KCNQ5: variants seen among roughly 807,000 people sequenced by gnomAD.
KCNQ5 encodes the protein potassium voltage-gated channel subfamily Q member 5.
KCNQ5 carries 30 observed loss-of-function variants against 98.2 expected under a neutral mutation model. The observed-to-expected ratio is 0.31, with a 90% CI of 0.23 to 0.41. KCNQ5 has a LOEUF of 0.41. Ranked by LOEUF, KCNQ5 falls within the 10% of genes least tolerant of loss-of-function variation. The pLI is 1.00. For missense variants in KCNQ5, 835 were observed against 1,182.5 expected (o/e 0.71, Z 4.31); for synonymous variants, 458 against 449.4 (o/e 1.02, Z -0.24).
intron 11 of KCNQ5, among the ~76,000 whole-genome samples, chr6:73,182,663 T>C (rs1778443325): frequency 6.6e-6 from 1 of 152,220 alleles, no homozygotes; most frequent in Non-Finnish European, 1.5e-5. Context: ...AGCACCCACA[T>C]ATTTTTTCCT....
At chr6:72,834,958 G>T (rs1230623915) in intron 1 of KCNQ5, among the ~76,000 whole-genome samples, 1 of 151,980 alleles carries the variant, frequency 6.6e-6, no homozygotes, top group East Asian at 1.9e-4. Context: ...CTCTAAATTT[G>T]ATCATAAATT....
chr6:72,721,476 G>A (rs1371167527), intron 1 of KCNQ5, among the ~76,000 whole-genome samples: 1 of 151,452 alleles, frequency 6.6e-6, no homozygotes, highest in African/African-American at 2.4e-5. Context: ...GATTTATGAA[G>A]ACATTTACAT....
chr6:73,170,575 AAAAAAG>A (rs1387162860), intron 11 of KCNQ5, among the ~76,000 whole-genome samples: 3 of 150,594 alleles, frequency 2.0e-5, no homozygotes, highest in Non-Finnish European at 2.9e-5. Flanking sequence ...GCAAAAAAAA[AAAAAAG>A]AAAAGAAAAG....
rs138494564 is a variant in KCNQ5 at position 72,961,209 on chromosome 6, A to G, written c.399-42699A>G. Among the ~76,000 whole-genome samples, 336 of 152,354 alleles carry G rather than the reference A, an allele frequency of 2.2e-3. 1 individual carries two copies. The highest frequency in any genetic ancestry group is 3.5e-3 in the Admixed American group (53 of 15,304). On this transcript the variant is annotated intron_variant, in intron 1 of 13. Transcript: ENST00000370398. Reference sequence around the variant, plus strand: ...TGTGGACCCTCATTATATACTGTGGATAAGAGTGATATAAAAGAAAAATTA... The same window carrying G: ...TGTGGACCCTCATTATATACTGTGGGTAAGAGTGATATAAAAGAAAAATTA...
chr6:72,956,475 GTTTTTTC>G (rs1472153416), intron 1 of KCNQ5, among the ~76,000 whole-genome samples: 3 of 117,628 alleles, frequency 2.6e-5, no homozygotes, highest in East Asian at 5.9e-4. Flanking sequence ...TTGTTATTTG[GTTTTTTC>G]TTTTTTCTTT....
chr6:72,830,973 T>G (rs1045332911), intron 1 of KCNQ5, among the ~76,000 whole-genome samples: 2 of 151,948 alleles, frequency 1.3e-5, no homozygotes, highest in African/African-American at 4.8e-5. Flanking sequence ...AACAGACACA[T>G]GAAAAAAATG....
At chr6:73,022,949 G>A (rs924499337) in intron 2 of KCNQ5, among the ~76,000 whole-genome samples, 3 of 152,208 alleles carry the variant, frequency 2.0e-5, no homozygotes, top group African/African-American at 7.2e-5. Context: ...TATGTTGTAA[G>A]TGATTGGAAA....
intron 1 of KCNQ5, among the ~76,000 whole-genome samples, chr6:72,977,405 A>G (rs1768207788): frequency 6.6e-6 from 1 of 152,202 alleles, no homozygotes; most frequent in African/African-American, 2.4e-5. Context: ...GGACCTGCCT[A>G]GAAGGTCTAT....
At chr6:72,889,142 A>T (rs1380339910) in intron 1 of KCNQ5, among the ~76,000 whole-genome samples, 1 of 152,220 alleles carries the variant, frequency 6.6e-6, no homozygotes, top group East Asian at 1.9e-4. Context: ...CTAAGGAAAT[A>T]TCTGAACTAG....
intron 1 of KCNQ5, among the ~76,000 whole-genome samples, chr6:72,793,319 CA>C (rs556594043): frequency 1.3e-4 from 20 of 151,222 alleles, no homozygotes; most frequent in East Asian, 3.9e-4. Flanking sequence ...GTCACCATTT[CA>C]AAAAAAAATC....
At chr6:73,157,316 T>C (rs1001753185) in intron 10 of KCNQ5, among the ~76,000 whole-genome samples, 1 of 151,782 alleles carries the variant, frequency 6.6e-6, no homozygotes, top group African/African-American at 2.4e-5. Context: ...AAGGCTTGAG[T>C]GTGCAGAAAA....
chr6:73,198,448 T>C lies in KCNQ5; in HGVS notation c.*3034T>C, dbSNP rs1184658515. The C allele has an allele frequency of 3.9e-5, 6 of 152,194 alleles. No individual in the cohort carries two copies. Among genetic ancestry groups the C allele is most frequent in the Admixed American group, 2.6e-4 (4 of 15,286 alleles). The allele number at this position is 152,194 out of a possible 1,614,324, so 9.4% of individuals were successfully genotyped here. A position where few individuals can be genotyped will look rare whatever the true frequency, so the allele number is the denominator to read the frequency against. ...GTTCTTAATTTGCAAGTAAAATAAG[T>C]CTACTAGAGAGGAGGAAATCAGGCA... is the stretch of plus-strand genomic sequence containing the variant. On this transcript the variant is annotated 3_prime_UTR_variant, in exon 14 of 14. Transcript: ENST00000370398.
At chr6:73,087,798 T>C (rs528186100) in intron 5 of KCNQ5, among the ~76,000 whole-genome samples, 330 of 151,996 alleles carry the variant, frequency 2.2e-3, no homozygotes, top group African/African-American at 7.2e-3. Context: ...TAGAAAGAGG[T>C]GGTCAGCTGA....
intron 1 of KCNQ5, among the ~76,000 whole-genome samples, chr6:72,640,101 A>G (rs1306077560): frequency 6.6e-6 from 1 of 152,122 alleles, no homozygotes; most frequent in Non-Finnish European, 1.5e-5. Context: ...GATTGTGAGA[A>G]TTTCTCTAAC....
Position 72,801,473 on chromosome 6 carries a change from G to T in KCNQ5, c.398+178886G>T, listed in dbSNP as rs1183619802. Among the ~76,000 whole-genome samples the T allele has an allele frequency of 1.6e-3, 213 of 135,848 alleles. 1 individual carries two copies. Among genetic ancestry groups the T allele is most frequent in the African/African-American group, 5.8e-3 (197 of 33,864 alleles). The allele number at this position is 135,848 out of a possible 152,430, so 89.1% of individuals were successfully genotyped here. On this transcript the variant is annotated intron_variant, in intron 1 of 13. Coordinates refer to ENST00000370398, the MANE Select transcript of KCNQ5 (RefSeq NM_019842.4). Reference sequence around the variant, plus strand: ...CCCCTGCCTTTTTTTGTTTTCCATTGGCTTGGTAGATCTTCCTCCATCCTT... The same window carrying T: ...CCCCTGCCTTTTTTTGTTTTCCATTTGCTTGGTAGATCTTCCTCCATCCTT...
rs537240924 is a variant in KCNQ5, at chr6:73,003,735, C to T, written c.399-173C>T. ...AAATTGCAGAGGAGCCCCATTTGCA[C>T]AGTATATCACATTGTATTTTAATAT... On this transcript the variant is annotated intron_variant, in intron 1 of 13. Coordinates refer to ENST00000370398, the MANE Select transcript of KCNQ5 (RefSeq NM_019842.4). 2.0e-5 allele frequency among the ~76,000 whole-genome samples: 3 copies of T among 152,278 alleles called. No homozygotes were observed. The South Asian group carries it at 6.2e-4, about 32-fold the overall frequency.
intron 11 of KCNQ5, among the ~76,000 whole-genome samples, chr6:73,170,458 A>ACGCAAT: frequency 7.0e-6 from 1 of 142,916 alleles, no homozygotes; most frequent in South Asian, 2.1e-4. Context: ...ACACACACAC[A>ACGCAAT]CACGCAATCA....
chr6:72,963,941 AACTC>A (rs1312948131), intron 1 of KCNQ5, among the ~76,000 whole-genome samples: 2 of 152,212 alleles, frequency 1.3e-5, no homozygotes, highest in Non-Finnish European at 2.9e-5. Flanking sequence ...GGTAAGAGCC[AACTC>A]ACTCAGTCCA....
At chr6:72,724,285 A>C (rs936399894) in intron 1 of KCNQ5, among the ~76,000 whole-genome samples, 1 of 152,190 alleles carries the variant, frequency 6.6e-6, no homozygotes, top group Non-Finnish European at 1.5e-5. Flanking sequence ...AAGAAGAAAA[A>C]AGTATACTTG....
Sources: allele counts gnomAD v4.1 joint callset (sites outside exome capture counted in the v4.1 genomes callset), GRCh38; gene constraint gnomAD v4.1.1; transcripts MANE v1.5; gene names NCBI Gene and HGNC (gene_info 2026-07-23, HGNC 2026-07-21).